Variants in INSYN2B observed in about 807,000 individuals in gnomAD.
The protein encoded by INSYN2B is inhibitory synaptic factor family member 2B.
A neutral mutation model predicts 41.2 loss-of-function variants in INSYN2B; 16 were observed. The observed-to-expected ratio is 0.39, with a 90% CI of 0.26 to 0.59. INSYN2B has a LOEUF of 0.59. Ranked by LOEUF, INSYN2B falls within the 20% of genes least tolerant of loss-of-function variation. INSYN2B has a pLI of 0.57. For missense variants in INSYN2B, 608 were observed against 646.4 expected (o/e 0.94, Z 0.64); for synonymous variants, 245 against 244.4 (o/e 1.00, Z -0.02).
intron 1 of INSYN2B, among the ~76,000 whole-genome samples, chr5:169,944,269 A>G (rs1204285498): frequency 6.6e-6 from 1 of 152,192 alleles, no homozygotes; most frequent in Non-Finnish European, 1.5e-5. Context: ...TGACCTGCCC[A>G]TGCACAGAGG....
At chr5:169,869,545 C>T (rs1268897210) in intron 3 of INSYN2B, among the ~76,000 whole-genome samples, 1 of 152,160 alleles carries the variant, frequency 6.6e-6, no homozygotes, top group African/African-American at 2.4e-5. Context: ...GTATATTTTG[C>T]TTTGGTGGCA....
intron 1 of INSYN2B, among the ~76,000 whole-genome samples, chr5:169,927,925 C>A (rs254720): frequency 0.9 from 137,316 of 152,232 alleles, 61,992 homozygotes; most frequent in East Asian, 0.98. Context: ...CCGAAAAATT[C>A]TTTATTCAGG....
At chr5:169,943,287 T>A (rs904802406) in intron 1 of INSYN2B, among the ~76,000 whole-genome samples, 1 of 152,188 alleles carries the variant, frequency 6.6e-6, no homozygotes, top group Non-Finnish European at 1.5e-5. Flanking sequence ...TGGGTTGGAT[T>A]TATCTTGAGG....
rs1289522709 is a variant in INSYN2B, at chr5:169,862,346, T to C, written c.*1927A>G. On this transcript the variant is annotated 3_prime_UTR_variant, in exon 4 of 4. Transcript: ENST00000377365. ...CTAGCATGATGCCCGAGAATATAAATTCACATGAAATTAGCGTAAGCAAAG... is the reference window on the plus strand; with the variant it reads ...CTAGCATGATGCCCGAGAATATAAACTCACATGAAATTAGCGTAAGCAAAG... 6.6e-6 allele frequency among the ~76,000 whole-genome samples: 1 copy of C among 152,236 alleles called. No homozygotes were observed. The highest frequency in any genetic ancestry group is 1.5e-5 in the Non-Finnish European group (1 of 68,038).
At chr5:169,967,241 G>A (rs558074608) in intron 1 of INSYN2B, among the ~76,000 whole-genome samples, 25 of 152,246 alleles carry the variant, frequency 1.6e-4, no homozygotes, top group Non-Finnish European at 3.1e-4. Flanking sequence ...ACCACAGCTA[G>A]TGGTGGAGAG....
chr5:169,885,605 T>G (rs1772927604), intron 1 of INSYN2B, among the ~76,000 whole-genome samples: 2 of 152,248 alleles, frequency 1.3e-5, no homozygotes, highest in Admixed American at 6.5e-5. Context: ...AGCCACCATT[T>G]ATTGAGCACA....
rs949552803 is a variant in INSYN2B at position 169,881,070 on chromosome 5, C to T, written c.1421+298G>A. Among the ~76,000 whole-genome samples the T allele has an allele frequency of 6.6e-5, 10 of 152,066 alleles. No homozygotes were observed. The South Asian group carries it at 1.2e-3, about 19-fold the overall frequency. On this transcript the variant is annotated intron_variant, in intron 3 of 3. Coordinates refer to ENST00000377365, the MANE Select transcript of INSYN2B (RefSeq NM_001129891.3). ...GGAAAATGCTCTGTGTGAGCGAGAC[C>T]GAATGCCTTAACTTTCCTGAAGGTG...
At position 169,973,896 on chromosome 5, in the gene INSYN2B, A is replaced by G. The variant is rs183818186; in HGVS notation, c.-919+6381T>C. Among the ~76,000 whole-genome samples the G allele has an allele frequency of 7.1e-3, 1,081 of 152,268 alleles. 11 individuals carry two copies. Among genetic ancestry groups the G allele is most frequent in the African/African-American group, 0.025 (1,025 of 41,538 alleles). On this transcript the variant is annotated intron_variant, in intron 1 of 3. Transcript: ENST00000377365. Reference sequence around the variant, plus strand: ...CATTCATTCATCTGTTAATTTATCCATCTGTCCATCCGTCCATCATCCATT... The same window carrying G: ...CATTCATTCATCTGTTAATTTATCCGTCTGTCCATCCGTCCATCATCCATT...
intron 3 of INSYN2B, among the ~76,000 whole-genome samples, chr5:169,871,626 T>C (rs1321682597): frequency 1.3e-5 from 2 of 152,222 alleles, no homozygotes; most frequent in Non-Finnish European, 2.9e-5. Context: ...CCAAAGCTTC[T>C]ACACTAAGAT....
chr5:169,884,020 G>C lies in INSYN2B; in HGVS notation c.-122C>G, dbSNP rs1004010145. 14 of 914,682 alleles carry C rather than the reference G, an allele frequency of 1.5e-5. No individual in the cohort carries two copies. The highest frequency in any genetic ancestry group is 2.0e-5 in the Non-Finnish European group (13 of 655,620). 56.7% of individuals were successfully genotyped at this position (914,682 alleles called of 1,614,324 possible). On this transcript the variant is annotated 5_prime_UTR_variant, in exon 2 of 4. Coordinates refer to ENST00000377365, the MANE Select transcript of INSYN2B (RefSeq NM_001129891.3). Reference sequence around the variant, plus strand: ...AGAGAACTGCTGGCCAGGATGGAGTGGTCCTCTCCTCTTAGTATGGGAAAT... The same window carrying C: ...AGAGAACTGCTGGCCAGGATGGAGTCGTCCTCTCCTCTTAGTATGGGAAAT...
chr5:169,886,339 C>T, intron 1 of INSYN2B, among the ~76,000 whole-genome samples: 1 of 152,180 alleles, frequency 6.6e-6, no homozygotes, highest in East Asian at 1.9e-4. Context: ...AGTTGCTTTA[C>T]ATAAAAATTC....
chr5:169,939,900 G>A (rs1334695952), intron 1 of INSYN2B, among the ~76,000 whole-genome samples: 1 of 152,142 alleles, frequency 6.6e-6, no homozygotes, highest in African/African-American at 2.4e-5. Flanking sequence ...CACAAGAGTT[G>A]ATCATTTCCC....
intron 1 of INSYN2B, among the ~76,000 whole-genome samples, chr5:169,978,387 GT>G (rs1274537217): frequency 0.01 from 612 of 60,062 alleles, 51 homozygotes; most frequent in Non-Finnish European, 0.017. Context: ...GTGTGTGTGT[GT>G]GTGTGGGGGG....
At chr5:169,905,665 A>G (rs1337505544) in intron 1 of INSYN2B, among the ~76,000 whole-genome samples, 1 of 152,140 alleles carries the variant, frequency 6.6e-6, no homozygotes, top group Non-Finnish European at 1.5e-5. Flanking sequence ...GGGACTGGAC[A>G]AACCATCCAG....
At chr5:169,878,868 C>A (rs1347305858) in intron 3 of INSYN2B, among the ~76,000 whole-genome samples, 1 of 152,172 alleles carries the variant, frequency 6.6e-6, no homozygotes, top group Non-Finnish European at 1.5e-5. Flanking sequence ...CCAAAGGATC[C>A]ATTCACCTTT....
chr5:169,890,842 C>T (rs1773239057), intron 1 of INSYN2B, among the ~76,000 whole-genome samples: 2 of 152,220 alleles, frequency 1.3e-5, no homozygotes, highest in South Asian at 4.1e-4. Flanking sequence ...TCATCTCTCA[C>T]CTGTATCACT....
chr5:169,967,181 G>A (rs367813260), intron 1 of INSYN2B, among the ~76,000 whole-genome samples: 3 of 152,232 alleles, frequency 2.0e-5, no homozygotes, highest in African/African-American at 7.2e-5. Flanking sequence ...TGCCATCAGT[G>A]CCATGAAAGT....
intron 1 of INSYN2B, among the ~76,000 whole-genome samples, chr5:169,973,589 G>A (rs762429016): frequency 3.3e-5 from 5 of 152,128 alleles, no homozygotes; most frequent in African/African-American, 4.8e-5. Flanking sequence ...AGGAGAGCTG[G>A]CATTGATCCC....
intron 1 of INSYN2B, among the ~76,000 whole-genome samples, chr5:169,911,422 C>T (rs1020916863): frequency 6.6e-6 from 1 of 152,136 alleles, no homozygotes; most frequent in South Asian, 2.1e-4. Context: ...AGAGCTGTTC[C>T]CACTACACTG....
Sources: gnomAD v4.1 joint callset for allele counts (sites outside exome capture counted in the v4.1 genomes callset) on GRCh38, gnomAD v4.1.1 for gene constraint, MANE v1.5 for transcripts, NCBI Gene and HGNC (gene_info 2026-07-23, HGNC 2026-07-21) for gene names.